The following KCNK2 variants were observed in gnomAD, a reference collection of about 807,000 sequenced individuals.
The protein encoded by KCNK2 is potassium channel subfamily K member 2.
In KCNK2, 21 loss-of-function variants were observed where a neutral mutation model predicts 40.5. That is an observed-to-expected ratio of 0.52 (90% CI 0.37 to 0.75). KCNK2 has a LOEUF of 0.75. KCNK2 is among the 30% of genes least tolerant of loss of function. The probability of loss-of-function intolerance (pLI) is 0.00; values close to 1 mark genes in which losing one functional copy is unlikely to be tolerated. For missense variants in KCNK2, 399 were observed against 531.6 expected (o/e 0.75, Z 2.45); for synonymous variants, 191 against 202.2 (o/e 0.94, Z 0.47).
intron 1 of KCNK2, among the ~76,000 whole-genome samples, chr1:215,051,204 T>A (rs920519269): frequency 6.6e-6 from 1 of 152,092 alleles, no homozygotes; most frequent in African/African-American, 2.4e-5. Flanking sequence ...GCCTCCTGAG[T>A]AGCTGGGATT....
intron 5 of KCNK2, 127 bp downstream of exon 5, chr1:215,172,310 A>G (rs536920400): frequency 2.4e-5 from 19 of 799,436 alleles, no homozygotes; most frequent in Non-Finnish European, 3.8e-5. Flanking sequence ...CAAGTACCAT[A>G]AAGTGGGTGG....
chr1:215,067,606 A>C (rs1397656092), intron 1 of KCNK2, among the ~76,000 whole-genome samples: 2 of 152,142 alleles, frequency 1.3e-5, no homozygotes, highest in East Asian at 3.8e-4. Flanking sequence ...TTGAATTTTT[A>C]AAAATTTACT....
intron 2 of KCNK2, among the ~76,000 whole-genome samples, chr1:215,093,893 A>AAAAATATATTATATATTATATAT (rs1553261710): frequency 1.5e-5 from 1 of 66,992 alleles, no homozygotes; most frequent in African/African-American, 5.0e-5. Flanking sequence ...TATTATATAT[A>AAAAATATATTATATATTATATAT]AAAATATATT....
At chr1:215,068,028 G>C (rs921055580) in intron 1 of KCNK2, among the ~76,000 whole-genome samples, 34 of 149,906 alleles carry the variant, frequency 2.3e-4, no homozygotes, top group African/African-American at 8.1e-4. Flanking sequence ...CTCCAAGTCT[G>C]TTGTCTTTAT....
chr1:215,150,444 G>A, intron 3 of KCNK2, among the ~76,000 whole-genome samples: 1 of 151,932 alleles, frequency 6.6e-6, no homozygotes, highest in East Asian at 1.9e-4. Context: ...TCCAACGTTT[G>A]TGATGTTTTT....
At chr1:215,208,005 G>A (rs1665389101) in intron 6 of KCNK2, among the ~76,000 whole-genome samples, 1 of 152,094 alleles carries the variant, frequency 6.6e-6, no homozygotes, top group South Asian at 2.1e-4. Flanking sequence ...ATTTGACCCA[G>A]CAATCCCATT....
At chr1:215,151,873 T>C (rs191682131) in intron 3 of KCNK2, among the ~76,000 whole-genome samples, 1 of 152,138 alleles carries the variant, frequency 6.6e-6, no homozygotes, top group Admixed American at 6.6e-5. Flanking sequence ...CTTACCTTAC[T>C]TATTGAACGT....
intron 1 of KCNK2, among the ~76,000 whole-genome samples, chr1:215,007,219 A>ATG (rs1656211658): frequency 8.3e-6 from 1 of 120,504 alleles, no homozygotes; most frequent in African/African-American, 3.3e-5. Context: ...ATATATATAT[A>ATG]TATATATAGG....
intron 1 of KCNK2, among the ~76,000 whole-genome samples, chr1:215,021,005 T>C (rs1050001265): frequency 6.6e-6 from 1 of 152,190 alleles, no homozygotes; most frequent in African/African-American, 2.4e-5. Flanking sequence ...ATTTCAATTA[T>C]TTTAAATAAT....
intron 1 of KCNK2, among the ~76,000 whole-genome samples, chr1:215,028,924 T>C (rs1055419258): frequency 6.6e-6 from 1 of 152,076 alleles, no homozygotes; most frequent in Non-Finnish European, 1.5e-5. Flanking sequence ...CTTTCTTTCA[T>C]TTAGAATAAT....
At chr1:215,147,791 C>A (rs1219857129) in intron 3 of KCNK2, among the ~76,000 whole-genome samples, 1 of 152,072 alleles carries the variant, frequency 6.6e-6, no homozygotes, top group East Asian at 1.9e-4. Flanking sequence ...GCTGAGATTG[C>A]ACCATTGCAC....
chr1:215,094,023 G>A (rs1480567987), intron 2 of KCNK2, among the ~76,000 whole-genome samples: 2 of 142,200 alleles, frequency 1.4e-5, no homozygotes, highest in Admixed American at 1.5e-4. Flanking sequence ...ACTTTCAATG[G>A]CCAAAACTGC....
At chr1:215,128,032 A>C (rs1212271623) in intron 3 of KCNK2, among the ~76,000 whole-genome samples, 2 of 152,212 alleles carry the variant, frequency 1.3e-5, no homozygotes, top group African/African-American at 4.8e-5. Context: ...AGAAGTGTGA[A>C]TAAATACACA....
At chr1:215,101,505 G>A (rs1436531348) in intron 2 of KCNK2, among the ~76,000 whole-genome samples, 2 of 151,890 alleles carry the variant, frequency 1.3e-5, no homozygotes, top group Non-Finnish European at 2.9e-5. Context: ...TGATGTGATC[G>A]GGCCATCTCT....
intron 3 of KCNK2, among the ~76,000 whole-genome samples, chr1:215,131,980 T>G (rs1333691854): frequency 6.6e-6 from 1 of 152,186 alleles, no homozygotes; most frequent in African/African-American, 2.4e-5. Flanking sequence ...ATTTTTCCAG[T>G]TTGGTATAAT....
At position 215,083,425 on chromosome 1, in the gene KCNK2, G is replaced by A; in HGVS notation, c.40G>A (p.Ala14Thr). The A allele has an allele frequency of 6.2e-7, 1 of 1,613,084 alleles. No homozygotes were observed. The highest frequency in any genetic ancestry group is 1.1e-5 in the South Asian group (1 of 91,028). Reference protein sequence around the residue: ...SASRERPGYRAGVAAPDLLDP... With the variant: ...SASRERPGYRTGVAAPDLLDP... ...CTCGCGGGAGAGACCCGGCTATAGAGCAGGAGGTGAGACCCCCCCTCCGGT... is the reference window on the plus strand; with the variant it reads ...CTCGCGGGAGAGACCCGGCTATAGAACAGGAGGTGAGACCCCCCCTCCGGT... Residue 14 changes from alanine to threonine, a missense_variant, in exon 1 of 7, where the codon GCA becomes ACA. Around this residue, in one of 3 missense-constraint regions of KCNK2, gnomAD observed 279 missense variants for 353.8 expected, o/e 0.79. Transcript: ENST00000444842.
intron 3 of KCNK2, among the ~76,000 whole-genome samples, chr1:215,126,948 G>A (rs1661464830): frequency 1.3e-5 from 2 of 152,022 alleles, no homozygotes; most frequent in Admixed American, 1.3e-4. Flanking sequence ...GTGGTCTTGG[G>A]CAAGGGAAAA....
At chr1:215,191,451 G>T (rs1311351672) in intron 5 of KCNK2, among the ~76,000 whole-genome samples, 1 of 151,980 alleles carries the variant, frequency 6.6e-6, no homozygotes, top group Non-Finnish European at 1.5e-5. Flanking sequence ...GGAGATAATG[G>T]TTTCCTAGCA....
chr1:215,011,223 T>C (rs1376076649), intron 1 of KCNK2, among the ~76,000 whole-genome samples: 1 of 152,110 alleles, frequency 6.6e-6, no homozygotes, highest in African/African-American at 2.4e-5. Context: ...ATTTGTTTTT[T>C]GTCTTTATAG....
Sources: gnomAD v4.1 joint callset for allele counts (sites outside exome capture counted in the v4.1 genomes callset) on GRCh38, gnomAD v4.1.1 for gene constraint, gnomAD v4.1.1 regional missense constraint, MANE v1.5 for transcripts, NCBI Gene and HGNC (gene_info 2026-07-23, HGNC 2026-07-21) for gene names.